LRRC49: variants seen among roughly 807,000 people sequenced by gnomAD.
LRRC49 encodes the protein leucine-rich repeat-containing protein 49.
A neutral mutation model predicts 83.3 loss-of-function variants in LRRC49; 50 were observed. The ratio of observed to expected loss-of-function variants is 0.60; its 90% CI spans 0.48 to 0.76. The LOEUF is 0.76. Ranked by LOEUF, LRRC49 falls within the 30% of genes least tolerant of loss-of-function variation. The pLI is 0.00. For synonymous variants in LRRC49, 286 were observed against 283.3 expected, an observed-to-expected ratio of 1.01 and a Z score of -0.10; for missense variants, 704 against 809.1, an observed-to-expected ratio of 0.87 and a Z score of 1.58.
rs1567042913 is a variant in LRRC49 at position 70,901,034 on chromosome 15, A to G, written c.296+10A>G. 6.5e-7 allele frequency: 1 copy of G among 1,539,724 alleles called. No individual in the cohort carries two copies. The highest frequency in any genetic ancestry group is 2.3e-5 in the East Asian group (1 of 44,312). On this transcript the variant is annotated intron_variant, in intron 4 of 15. Transcript: ENST00000260382. ...GGTTGAGCCTAGAAAGGTGAGGACA[A>G]TTTCTTTTCTTTTCTTTTTTTTGAC...
chr15:70,895,410 A>T (rs910999046), intron 2 of LRRC49: 1 of 152,394 alleles, frequency 6.6e-6, no homozygotes, highest in African/African-American at 2.4e-5. Context: ...TTTGAAGCAA[A>T]TGATTCTTTT....
chr15:70,947,545 C>G (rs2036053826), intron 8 of LRRC49, among the ~76,000 whole-genome samples: 2 of 152,160 alleles, frequency 1.3e-5, no homozygotes, highest in South Asian at 4.1e-4. Flanking sequence ...CACAGTCTGT[C>G]ACTTAGCAGT....
intron 9 of LRRC49, 63 bp from the exon 10 acceptor site, chr15:70,980,038 A>G (rs932978754): frequency 3.7e-5 from 37 of 1,013,398 alleles, no homozygotes; most frequent in East Asian, 7.3e-5. Context: ...AATAGGACCA[A>G]TGATATTTAG....
chr15:70,934,755 C>T (rs2035539112), intron 7 of LRRC49, among the ~76,000 whole-genome samples: 1 of 152,054 alleles, frequency 6.6e-6, no homozygotes, highest in Non-Finnish European at 1.5e-5. Flanking sequence ...AAATGAGATG[C>T]CTTGATTCAA....
At chr15:70,956,102 A>C (rs1272243177) in intron 8 of LRRC49, among the ~76,000 whole-genome samples, 1 of 152,196 alleles carries the variant, frequency 6.6e-6, no homozygotes, top group African/African-American at 2.4e-5. Context: ...TAAAGTACTT[A>C]GCTTACTTAG....
intron 8 of LRRC49, among the ~76,000 whole-genome samples, chr15:70,951,481 T>G (rs1199262473): frequency 6.6e-6 from 1 of 152,134 alleles, no homozygotes; most frequent in Non-Finnish European, 1.5e-5. Context: ...TTTCCCCTCC[T>G]TAGTAAGCTG....
intron 10 of LRRC49, among the ~76,000 whole-genome samples, chr15:70,980,730 T>A (rs1352717420): frequency 6.6e-6 from 1 of 152,152 alleles, no homozygotes; most frequent in African/African-American, 2.4e-5. Flanking sequence ...CTTTTAAATA[T>A]TTTATATTAA....
chr15:71,052,354 T>TG lies in LRRC49; in HGVS notation c.*2743dup, dbSNP rs2040004871. 1 of 152,246 alleles carries TG rather than the reference T, an allele frequency of 6.6e-6. No homozygotes were observed. Among genetic ancestry groups the TG allele is most frequent in the African/African-American group, 2.4e-5 (1 of 41,474 alleles). 9.4% of individuals were successfully genotyped at this position (152,246 alleles called of 1,614,324 possible). ...TTAGTACCCCCATTTAGGGAGATACTGTACCCGATGTTCTGGTACAGCAGC... is the reference window on the plus strand; with the variant it reads ...TTAGTACCCCCATTTAGGGAGATACTGGTACCCGATGTTCTGGTACAGCAGC... On this transcript the variant is annotated 3_prime_UTR_variant, in exon 16 of 16. Coordinates refer to ENST00000260382, the MANE Select transcript of LRRC49 (RefSeq NM_017691.5).
In LRRC49 at chr15:70,858,690, C is replaced by G. The variant is rs529414337; in HGVS notation, c.-299+5221C>G. ...GGAATCTCCGCCTGGTTCAGCCCGC[C>G]TGCCTCCACTCCTGCCTCCACCATG... On this transcript the variant is annotated intron_variant, in intron 1 of 16. Transcript: ENST00000544974. 17 of 634,384 alleles carry G rather than the reference C, an allele frequency of 2.7e-5. No homozygotes were observed. In the African/African-American group the frequency reaches 2.7e-4, roughly 10 times the overall value. 39.3% of individuals were successfully genotyped at this position (634,384 alleles called of 1,614,324 possible).
At chr15:70,994,971 T>G (rs992669656) in intron 11 of LRRC49, among the ~76,000 whole-genome samples, 2 of 152,230 alleles carry the variant, frequency 1.3e-5, no homozygotes, top group Non-Finnish European at 2.9e-5. Context: ...AGGAAAATTC[T>G]GAGGAACTAA....
At chr15:71,005,904 G>A (rs775598731) in intron 11 of LRRC49, among the ~76,000 whole-genome samples, 2 of 152,184 alleles carry the variant, frequency 1.3e-5, no homozygotes, top group African/African-American at 2.4e-5. Context: ...GGCAAGCTAA[G>A]TCACTTTTTA....
intron 1 of LRRC49, among the ~76,000 whole-genome samples, chr15:70,871,164 T>C (rs4777324): frequency 0.55 from 82,697 of 150,248 alleles, 23,334 homozygotes; most frequent in Admixed American, 0.7. Context: ...TCTTAACGAG[T>C]ATGCTGCCTT....
rs900216475 is a variant in LRRC49, at chr15:70,932,878, C to T, written c.712-3883C>T. Among the ~76,000 whole-genome samples, 56 of 152,062 alleles carry T rather than the reference C, an allele frequency of 3.7e-4. No individual in the cohort carries two copies. The South Asian group carries it at 4.4e-3, about 12-fold the overall frequency. ...CCAAGTAGCTGGGACTATAGGCACA[C>T]GCCTCCGTGCCTGGCTAATTTTTGT... On this transcript the variant is annotated intron_variant, in intron 7 of 15. Transcript: ENST00000260382.
chr15:71,028,723 T>C (rs914458101), intron 14 of LRRC49, among the ~76,000 whole-genome samples: 3 of 152,210 alleles, frequency 2.0e-5, no homozygotes, highest in African/African-American at 7.2e-5. Context: ...TTTTCTAGTT[T>C]ATTGGCATAG....
chr15:71,002,241 A>G (rs560083191), intron 11 of LRRC49, among the ~76,000 whole-genome samples: 2 of 152,162 alleles, frequency 1.3e-5, no homozygotes, highest in Non-Finnish European at 2.9e-5. Flanking sequence ...TTATATTTAT[A>G]GTCTTTAGTA....
chr15:70,990,385 A>G (rs1455309396), intron 11 of LRRC49, among the ~76,000 whole-genome samples: 1 of 152,142 alleles, frequency 6.6e-6, no homozygotes, highest in African/African-American at 2.4e-5. Context: ...GTTTGATCTC[A>G]GACTGCTGTG....
chr15:70,925,375 G>A (rs541767632), intron 7 of LRRC49, among the ~76,000 whole-genome samples: 3 of 152,140 alleles, frequency 2.0e-5, no homozygotes, highest in African/African-American at 7.2e-5. Flanking sequence ...AAGAATGGCC[G>A]CAATTCTACC....
At chr15:71,007,603 G>C (rs2141259844) in intron 11 of LRRC49, among the ~76,000 whole-genome samples, 1 of 151,122 alleles carries the variant, frequency 6.6e-6, no homozygotes, top group East Asian at 1.9e-4. Flanking sequence ...GTTGGATTAA[G>C]ATATTTCATT....
intron 14 of LRRC49, among the ~76,000 whole-genome samples, chr15:71,033,911 A>G (rs2039437396): frequency 6.6e-6 from 1 of 152,204 alleles, no homozygotes; most frequent in African/African-American, 2.4e-5. Flanking sequence ...ACTTAAATGT[A>G]AAACCCAAAA....
Sources: allele counts gnomAD v4.1 joint callset (sites outside exome capture counted in the v4.1 genomes callset), GRCh38; gene constraint gnomAD v4.1.1; transcripts MANE v1.5; gene names NCBI Gene and HGNC (gene_info 2026-07-23, HGNC 2026-07-21).